ITSN1: variants seen among roughly 807,000 people sequenced by gnomAD.
ITSN1 encodes the protein intersectin-1.
ITSN1 carries 58 observed loss-of-function variants against 239.8 expected under a neutral mutation model. The ratio of observed to expected loss-of-function variants is 0.24; its 90% CI spans 0.20 to 0.30. The LOEUF (loss-of-function observed/expected upper bound fraction) is 0.30. Ranked by LOEUF, ITSN1 falls within the 10% of genes least tolerant of loss-of-function variation. The pLI, the probability that ITSN1 is intolerant of heterozygous loss-of-function variation, is 1.00. For synonymous variants in ITSN1, 780 were observed against 770.8 expected (o/e 1.01, Z -0.20); for missense variants, 1,558 against 2,103.3 (o/e 0.74, Z 5.07).
intron 7 of ITSN1, among the ~76,000 whole-genome samples, chr21:33,752,824 T>TAAA (rs374308030): frequency 1.6e-5 from 2 of 127,234 alleles, no homozygotes; most frequent in African/African-American, 5.4e-5. Context: ...TGAGCCTGCC[T>TAAA]AAAAAAAAAA....
Position 33,878,012 on chromosome 21 carries a change from G to T in ITSN1, c.4341+2491G>T, listed in dbSNP as rs923714932. ...TCTTTCTCTTTCTCTCTCTCTTTGT[G>T]TGTGTGTGTGTGTGTGTGTGTGTGT... is the stretch of plus-strand genomic sequence containing the variant. On this transcript the variant is annotated intron_variant, in intron 34 of 39. Transcript: ENST00000381318. Among the ~76,000 whole-genome samples, 119 of 20,510 alleles carry T rather than the reference G, an allele frequency of 5.8e-3. No homozygotes were observed. In the African/African-American group the frequency reaches 0.066, roughly 11 times the overall value. 13.5% of individuals were successfully genotyped at this position (20,510 alleles called of 152,430 possible).
intron 29 of ITSN1, among the ~76,000 whole-genome samples, chr21:33,849,194 C>T (rs1194661408): frequency 6.6e-6 from 1 of 152,116 alleles, no homozygotes; most frequent in African/African-American, 2.4e-5. Flanking sequence ...GCTGAGATTG[C>T]GCCACTGCAC....
At chr21:33,755,195 G>T (rs2147540059) in intron 7 of ITSN1, 102 bp from the exon 8 acceptor site, 1 of 538,834 alleles carries the variant, frequency 1.9e-6, no homozygotes. Context: ...GAAAGTTAGA[G>T]ATGATTATCT....
At chr21:33,809,181 T>C (rs1240131287) in intron 20 of ITSN1, among the ~76,000 whole-genome samples, 1 of 152,166 alleles carries the variant, frequency 6.6e-6, no homozygotes, top group Non-Finnish European at 1.5e-5. Flanking sequence ...GGCTAGTGTG[T>C]TCATGTGGGT....
At chr21:33,760,520 C>G (rs2068237912) in intron 8 of ITSN1, among the ~76,000 whole-genome samples, 1 of 152,134 alleles carries the variant, frequency 6.6e-6, no homozygotes, top group Admixed American at 6.5e-5. Flanking sequence ...CATTAGAGCA[C>G]CTCTCATGTG....
At chr21:33,823,207 A>T (rs1052186004) in intron 24 of ITSN1, among the ~76,000 whole-genome samples, 1 of 152,200 alleles carries the variant, frequency 6.6e-6, no homozygotes, top group Non-Finnish European at 1.5e-5. Flanking sequence ...GATCACTCTT[A>T]AATACTCAAG....
chr21:33,732,272 T>G (rs1249736312), intron 4 of ITSN1, among the ~76,000 whole-genome samples: 1 of 152,186 alleles, frequency 6.6e-6, no homozygotes, highest in Non-Finnish European at 1.5e-5. Flanking sequence ...AAGGCCTGTG[T>G]TGATGCTAAT....
chr21:33,660,555 G>C (rs1472113717), intron 1 of ITSN1, among the ~76,000 whole-genome samples: 5 of 152,144 alleles, frequency 3.3e-5, no homozygotes, highest in Non-Finnish European at 5.9e-5. Flanking sequence ...ATGCCTCACT[G>C]AATAAAAAGA....
chr21:33,654,190 C>T (rs2088825068), intron 1 of ITSN1, among the ~76,000 whole-genome samples: 1 of 151,622 alleles, frequency 6.6e-6, no homozygotes, highest in African/African-American at 2.4e-5. Context: ...TTGACTACAG[C>T]CACAGCCACG....
intron 33 of ITSN1, among the ~76,000 whole-genome samples, chr21:33,870,420 T>G (rs1316148109): frequency 6.6e-6 from 1 of 152,146 alleles, no homozygotes; most frequent in Non-Finnish European, 1.5e-5. Flanking sequence ...ACACGATTGA[T>G]TTCTTCCAGA....
At position 33,780,397 on chromosome 21, in the gene ITSN1, G is replaced by T. The variant is rs377584340; in HGVS notation, c.1597-1064G>T. ...AGATATTGGTTCCCTTTCTGTACAG[G>T]GATTAGCAGATACTTGCTTTGGAGA... On this transcript the variant is annotated intron_variant, in intron 14 of 39. Coordinates refer to ENST00000381318, the MANE Select transcript of ITSN1 (RefSeq NM_003024.3). Among the ~76,000 whole-genome samples, 16 of 152,204 alleles carry T rather than the reference G, an allele frequency of 1.1e-4. 1 individual carries two copies. The East Asian group carries it at 2.9e-3, about 28-fold the overall frequency.
chr21:33,876,173 CTTT>C, intron 34 of ITSN1, among the ~76,000 whole-genome samples: 3 of 132,720 alleles, frequency 2.3e-5, no homozygotes, highest in African/African-American at 8.5e-5. Flanking sequence ...CTCTTTCTTT[CTTT>C]CCTTCCTTCC....
rs1288931494 is a variant in ITSN1, at chr21:33,895,682, CGTGCATATGTGTATGTGT to C, written c.*7387_*7404del. The C allele has an allele frequency of 1.4e-5, 2 of 147,488 alleles. No individual in the cohort carries two copies. Among genetic ancestry groups the C allele is most frequent in the East Asian group, 2.0e-4 (1 of 4,984 alleles). The allele number at this position is 147,488 out of a possible 1,614,324, so 9.1% of individuals were successfully genotyped here. A position where few individuals can be genotyped will look rare whatever the true frequency, so the allele number is the denominator to read the frequency against. ...GTATGCATGTGCATGTTTGTGTGTG[CGTGCATATGTGTATGTGT>C]GTGCGCGTGCGTGTGCGTGCATGTG... On this transcript the variant is annotated 3_prime_UTR_variant, in exon 40 of 40. Transcript: ENST00000381318.
At chr21:33,838,253 A>G in intron 29 of ITSN1, 2 of 985,276 alleles carry the variant, frequency 2.0e-6, no homozygotes, top group African/African-American at 3.5e-5. Flanking sequence ...AGACTCTGTA[A>G]TGCTCACTCC....
At chr21:33,773,255 GC>G (rs1158990182) in intron 12 of ITSN1, among the ~76,000 whole-genome samples, 1 of 152,000 alleles carries the variant, frequency 6.6e-6, no homozygotes, top group Non-Finnish European at 1.5e-5. Flanking sequence ...TGATCCACCC[GC>G]CTCAGCCTCC....
intron 1 of ITSN1, among the ~76,000 whole-genome samples, chr21:33,653,909 G>T (rs918968927): frequency 3.3e-5 from 5 of 152,122 alleles, no homozygotes; most frequent in Admixed American, 6.5e-5. Flanking sequence ...TCCTGTCGCA[G>T]CCTCCCAAAG....
chr21:33,647,460 A>G (rs1181170463), intron 1 of ITSN1, among the ~76,000 whole-genome samples: 5 of 152,020 alleles, frequency 3.3e-5, no homozygotes, highest in Non-Finnish European at 5.9e-5. Flanking sequence ...TAGTAACCAA[A>G]TAATATTCCG....
Position 33,856,988 on chromosome 21 carries a change from T to C in ITSN1, c.3783+131T>C, listed in dbSNP as rs556537401. On this transcript the variant is annotated intron_variant, in intron 30 of 39. Transcript: ENST00000381318. ...TTCTGATGTTTGAGGAGCATCTGGA[T>C]GGCAAATGCTATAGGAGATTGCGAC... The C allele has an allele frequency of 6.6e-4, 539 of 822,548 alleles. 1 individual carries two copies. The African/African-American group carries it at 8.1e-3, about 12-fold the overall frequency. 51.0% of individuals were successfully genotyped at this position (822,548 alleles called of 1,614,324 possible). A position where few individuals can be genotyped will look rare whatever the true frequency, so the allele number is the denominator to read the frequency against.
intron 34 of ITSN1, 57 bp downstream of exon 34, chr21:33,875,578 C>T: frequency 6.5e-7 from 1 of 1,530,848 alleles, no homozygotes; most frequent in South Asian, 1.2e-5. Flanking sequence ...GCCTGCCAGC[C>T]TGGAGGAGGA....
Sources: allele counts gnomAD v4.1 joint callset (sites outside exome capture counted in the v4.1 genomes callset), GRCh38; gene constraint gnomAD v4.1.1; transcripts MANE v1.5; gene names NCBI Gene and HGNC (gene_info 2026-07-23, HGNC 2026-07-21).